The following EPHA4 variants were observed in gnomAD, a reference collection of about 807,000 sequenced individuals.
EPHA4 encodes ephrin type-A receptor 4.
A neutral mutation model predicts 108.3 loss-of-function variants in EPHA4; 19 were observed. That is an observed-to-expected ratio of 0.18 (90% CI 0.12 to 0.26). The LOEUF is 0.26. Among genes scored for constraint, EPHA4 ranks in the 10% least tolerant of loss-of-function variants. The probability of loss-of-function intolerance (pLI) is 1.00; values close to 1 mark genes in which losing one functional copy is unlikely to be tolerated. For missense variants in EPHA4, 917 were observed against 1,254.0 expected (o/e 0.73, Z 4.06); for synonymous variants, 449 against 455.5 (o/e 0.99, Z 0.18).
chr2:221,494,407 C>A (rs1350260629), intron 4 of EPHA4, among the ~76,000 whole-genome samples: 2 of 152,188 alleles, frequency 1.3e-5, no homozygotes, highest in Non-Finnish European at 2.9e-5. Context: ...AGTTCGAGAC[C>A]AGCCTGGTCA....
chr2:221,563,212 G>A (rs1207083060), intron 3 of EPHA4, among the ~76,000 whole-genome samples: 2 of 152,116 alleles, frequency 1.3e-5, no homozygotes, highest in Non-Finnish European at 2.9e-5. Context: ...TATCTCCACC[G>A]GTCCACAAGG....
intron 7 of EPHA4, among the ~76,000 whole-genome samples, chr2:221,456,178 A>T (rs926957498): frequency 3.9e-5 from 6 of 152,064 alleles, no homozygotes; most frequent in Non-Finnish European, 8.8e-5. Flanking sequence ...TCTTTAAAAA[A>T]AAAAAAAAGC....
intron 4 of EPHA4, among the ~76,000 whole-genome samples, chr2:221,495,721 C>A (rs895232129): frequency 2.0e-5 from 3 of 152,212 alleles, no homozygotes; most frequent in Non-Finnish European, 2.9e-5. Flanking sequence ...ATGGTGCAAA[C>A]TTCCTAGGCA....
intron 3 of EPHA4, among the ~76,000 whole-genome samples, chr2:221,558,843 T>C (rs1459171304): frequency 1.3e-5 from 2 of 152,190 alleles, no homozygotes; most frequent in South Asian, 2.1e-4. Flanking sequence ...ATCACAGCCA[T>C]GCTTCAAAGC....
At chr2:221,498,308 G>A in intron 4 of EPHA4, among the ~76,000 whole-genome samples, 1 of 152,180 alleles carries the variant, frequency 6.6e-6, no homozygotes. Context: ...AAGTGGGGGA[G>A]TACATGATGC....
At chr2:221,481,013 C>T (rs942544471) in intron 5 of EPHA4, among the ~76,000 whole-genome samples, 1 of 152,078 alleles carries the variant, frequency 6.6e-6, no homozygotes, top group African/African-American at 2.4e-5. Flanking sequence ...GCTATGTTTT[C>T]TATCCCAAGA....
intron 4 of EPHA4, among the ~76,000 whole-genome samples, chr2:221,494,700 T>C (rs1692252210): frequency 6.6e-6 from 1 of 152,138 alleles, no homozygotes; most frequent in African/African-American, 2.4e-5. Context: ...ACTACAATCA[T>C]TGAACAAGCA....
At chr2:221,549,706 A>G (rs73089660) in intron 3 of EPHA4, among the ~76,000 whole-genome samples, 1,711 of 152,350 alleles carry the variant, frequency 0.011, 37 homozygotes, top group African/African-American at 0.039. Flanking sequence ...AGCCGGGCGC[A>G]GTGGCTCACA....
At chr2:221,561,242 A>AAAATAAAT (rs61027528) in intron 3 of EPHA4, among the ~76,000 whole-genome samples, 233 of 151,082 alleles carry the variant, frequency 1.5e-3, no homozygotes, top group African/African-American at 5.6e-3. Context: ...ACTCCATCTC[A>AAAATAAAT]AAATAAATAA....
At chr2:221,536,751 G>C (rs144378007) in intron 3 of EPHA4, among the ~76,000 whole-genome samples, 4 of 152,184 alleles carry the variant, frequency 2.6e-5, no homozygotes, top group African/African-American at 4.8e-5. Flanking sequence ...TGTAGTTAAG[G>C]GTGAAGGCTT....
chr2:221,524,560 A>G (rs929826725), intron 3 of EPHA4, among the ~76,000 whole-genome samples: 1 of 152,210 alleles, frequency 6.6e-6, no homozygotes. Context: ...AGCGGCTGTA[A>G]TTTCCTAACA....
chr2:221,555,062 A>T (rs1694265491), intron 3 of EPHA4, among the ~76,000 whole-genome samples: 1 of 152,194 alleles, frequency 6.6e-6, no homozygotes, highest in Non-Finnish European at 1.5e-5. Context: ...CAAGGGATTC[A>T]CCAAGGCTGG....
At chr2:221,548,329 A>G (rs1347548915) in intron 3 of EPHA4, among the ~76,000 whole-genome samples, 1 of 151,088 alleles carries the variant, frequency 6.6e-6, no homozygotes, top group Non-Finnish European at 1.5e-5. Flanking sequence ...GCACCACTGC[A>G]CTCCAGCCTG....
In EPHA4 at chr2:221,425,792, A is replaced by C; in HGVS notation, c.*236T>G. On this transcript the variant is annotated 3_prime_UTR_variant, in exon 17 of 18. Transcript: ENST00000281821. ...ATTTTACAGACTGGTGATGAACAGA[A>C]AAGTACTTCTGAGAAACGATTTGTT... 2.0e-6 allele frequency: 1 copy of C among 504,514 alleles called. No individual in the cohort carries two copies. The highest frequency in any genetic ancestry group is 3.4e-5 in the East Asian group (1 of 29,360). 31.3% of individuals were successfully genotyped at this position (504,514 alleles called of 1,614,324 possible).
At position 221,566,926 on chromosome 2, in the gene EPHA4, G is replaced by A. The variant is rs1352437395; in HGVS notation, c.159+1792C>T. ...GGAGAAGGAGAAGGAGAAGGAGAAG[G>A]AGAAGGAGAAGGAGAAGGAGAAGGA... is the stretch of plus-strand genomic sequence containing the variant. On this transcript the variant is annotated intron_variant, in intron 2 of 17. Coordinates refer to ENST00000281821, the MANE Select transcript of EPHA4 (RefSeq NM_004438.5). 6.3e-4 allele frequency among the ~76,000 whole-genome samples: 22 copies of A among 35,132 alleles called. 6 individuals carry two copies. The highest frequency in any genetic ancestry group is 8.0e-4 in the Non-Finnish European group (16 of 20,056). The allele number at this position is 35,132 out of a possible 152,430, so 23.0% of individuals were successfully genotyped here.
rs1423397233 is a variant in EPHA4 at position 221,499,736 on chromosome 2, ATATATATATATATATATATATTTTTT to A, written c.979+1255_979+1280del. Among the ~76,000 whole-genome samples the A allele has an allele frequency of 2.2e-4, 11 of 49,512 alleles. 1 individual carries two copies. Among genetic ancestry groups the A allele is most frequent in the African/African-American group, 1.2e-3 (11 of 8,878 alleles). 32.5% of individuals were successfully genotyped at this position (49,512 alleles called of 152,430 possible). On this transcript the variant is annotated intron_variant, in intron 4 of 17. Coordinates refer to ENST00000281821, the MANE Select transcript of EPHA4 (RefSeq NM_004438.5). ...AACTAATATATATATATATATATAT[ATATATATATATATATATATATTTTTT>A]TTTTTTTTTTTTGAGACAGAGTTTT...
chr2:221,563,731 C>T lies in EPHA4; in HGVS notation c.823G>A (p.Ala275Thr), dbSNP rs1694537539. 3.1e-6 allele frequency: 5 copies of T among 1,613,608 alleles called. No individual in the cohort carries two copies. The highest frequency in any genetic ancestry group is 4.2e-6 in the Non-Finnish European group (5 of 1,179,646). Residue 275 changes from alanine (A) to threonine (T), a missense_variant and splice_region_variant, in exon 3 of 18, where the codon GCT (alanine) becomes ACT (threonine). Physicochemically the swap from Ala to Thr is moderately conservative, Grantham distance 58 (BLOSUM62 0). Coordinates refer to ENST00000281821, the MANE Select transcript of EPHA4 (RefSeq NM_004438.5). The stretch of plus-strand genomic sequence containing the variant: ...AAAACTGCAATATGGACCCTCTTAC[C>T]TTGGCATTCTCCGCTCCGCTCCTCA... ...GHEERSGECQ[A>T]CKIGYYKALS... is the part of the protein sequence containing the mutation.
intron 1 of EPHA4, among the ~76,000 whole-genome samples, chr2:221,570,756 A>T (rs1207817298): frequency 6.6e-6 from 1 of 152,062 alleles, no homozygotes; most frequent in Non-Finnish European, 1.5e-5. Context: ...GAATGGATGG[A>T]TGGATGGGTG....
At position 221,419,142 on chromosome 2, in the gene EPHA4, A is replaced by C. The variant is rs1042283580; in HGVS notation, c.*2230T>G. 1 of 152,592 alleles carries C rather than the reference A, an allele frequency of 6.6e-6. No homozygotes were observed. The highest frequency in any genetic ancestry group is 1.5e-5 in the Non-Finnish European group (1 of 68,038). 9.5% of individuals were successfully genotyped at this position (152,592 alleles called of 1,614,324 possible). A position where few individuals can be genotyped will look rare whatever the true frequency, so the allele number is the denominator to read the frequency against. On this transcript the variant is annotated 3_prime_UTR_variant, in exon 18 of 18. Transcript: ENST00000281821. ...ACAGCTTAGGATAAGCAAGGCAGCCACTCAGATTATGAAAAATGGCAGTAA... is the reference window on the plus strand; with the variant it reads ...ACAGCTTAGGATAAGCAAGGCAGCCCCTCAGATTATGAAAAATGGCAGTAA...
Sources: allele counts gnomAD v4.1 joint callset (sites outside exome capture counted in the v4.1 genomes callset), GRCh38; gene constraint gnomAD v4.1.1; transcripts MANE v1.5; gene names NCBI Gene and HGNC (gene_info 2026-07-23, HGNC 2026-07-21).